The following DGKB variants were observed in gnomAD, a reference collection of about 807,000 sequenced individuals.
DGKB encodes diacylglycerol kinase beta, also known as 90 kDa diacylglycerol kinase.
In DGKB, 67 loss-of-function variants were observed where a neutral mutation model predicts 114.3. The observed-to-expected ratio is 0.59, with a 90% CI of 0.48 to 0.72. The LOEUF is 0.72. DGKB is among the 30% of genes least tolerant of loss of function. The pLI, the probability that DGKB is intolerant of heterozygous loss-of-function variation, is 0.00. For missense variants in DGKB, 907 were observed against 975.2 expected, an observed-to-expected ratio of 0.93 and a Z score of 0.93; for synonymous variants, 398 against 323.1, an observed-to-expected ratio of 1.23 and a Z score of -2.49.
intron 21 of DGKB, among the ~76,000 whole-genome samples, chr7:14,460,886 G>A (rs1373156960): frequency 6.6e-6 from 1 of 151,882 alleles, no homozygotes; most frequent in Non-Finnish European, 1.5e-5. Flanking sequence ...CAAAAGAACG[G>A]AAATCATAAC....
intron 23 of DGKB, among the ~76,000 whole-genome samples, chr7:14,300,385 A>T (rs573626965): frequency 6.6e-6 from 1 of 152,204 alleles, no homozygotes; most frequent in Non-Finnish European, 1.5e-5. Context: ...CAACTGTGCA[A>T]CTGGAACAAC....
At chr7:14,273,463 A>G (rs1218795802) in intron 23 of DGKB, among the ~76,000 whole-genome samples, 1 of 152,234 alleles carries the variant, frequency 6.6e-6, no homozygotes, top group Admixed American at 6.5e-5. Context: ...GAAATGATGT[A>G]CATATGTAGT....
intron 21 of DGKB, among the ~76,000 whole-genome samples, chr7:14,417,403 A>T (rs1825877750): frequency 6.6e-6 from 1 of 152,078 alleles, no homozygotes; most frequent in East Asian, 1.9e-4. Context: ...TGGCTCAGTG[A>T]ACTAAGCTAT....
At chr7:14,658,454 T>A (rs577061943) in intron 13 of DGKB, among the ~76,000 whole-genome samples, 1 of 151,984 alleles carries the variant, frequency 6.6e-6, no homozygotes, top group African/African-American at 2.4e-5. Flanking sequence ...AAAGAGAGGT[T>A]GGTTAATGGA....
chr7:14,441,545 T>G (rs1379224962), intron 21 of DGKB, among the ~76,000 whole-genome samples: 1 of 152,146 alleles, frequency 6.6e-6, no homozygotes, highest in African/African-American at 2.4e-5. Flanking sequence ...AAGACATTAT[T>G]TTTTACTCTG....
At position 14,350,172 on chromosome 7, in the gene DGKB, T is replaced by A. The variant is rs147432549; in HGVS notation, c.1836-4781A>T. 7.2e-5 allele frequency among the ~76,000 whole-genome samples: 11 copies of A among 152,274 alleles called. No homozygotes were observed. The East Asian group carries it at 2.1e-3, about 29-fold the overall frequency. On this transcript the variant is annotated intron_variant, in intron 21 of 25. Coordinates refer to ENST00000402815, the MANE Select transcript of DGKB (RefSeq NM_001350709.2). ...TTTTCATACGAACTGTAATTTTGCTTCTTTTACGTATCCTGAGTAATGTGA... is the reference window on the plus strand; with the variant it reads ...TTTTCATACGAACTGTAATTTTGCTACTTTTACGTATCCTGAGTAATGTGA...
chr7:14,788,592 C>T lies in DGKB; in HGVS notation c.71-30861G>A, dbSNP rs533200347. ...CACCTCAGGGCCAGGTAACAGACAA[C>T]TATGGGTAGCCCATATCACTCAGAA... On this transcript the variant is annotated intron_variant, in intron 2 of 25. Transcript: ENST00000402815. 3.3e-5 allele frequency among the ~76,000 whole-genome samples: 5 copies of T among 152,284 alleles called. No homozygotes were observed. In the South Asian group the frequency reaches 1.0e-3, roughly 32 times the overall value.
At chr7:14,184,540 C>T (rs1165157040) in intron 23 of DGKB, among the ~76,000 whole-genome samples, 2 of 152,076 alleles carry the variant, frequency 1.3e-5, no homozygotes, top group Non-Finnish European at 2.9e-5. Context: ...CATGACTCAG[C>T]AGAGGCAGCC....
chr7:14,807,646 T>C (rs1842935633), intron 2 of DGKB, among the ~76,000 whole-genome samples: 1 of 152,034 alleles, frequency 6.6e-6, no homozygotes, highest in African/African-American at 2.4e-5. Flanking sequence ...TTTGAACATA[T>C]AGTCCTGGAA....
At chr7:14,882,353 G>A (rs971725404) in intron 1 of DGKB, among the ~76,000 whole-genome samples, 18 of 151,988 alleles carry the variant, frequency 1.2e-4, no homozygotes, top group African/African-American at 4.1e-4. Flanking sequence ...AATAGTAAAA[G>A]GAGAGAGAGT....
chr7:14,302,982 G>A (rs1399086366), intron 23 of DGKB, among the ~76,000 whole-genome samples: 1 of 152,074 alleles, frequency 6.6e-6, no homozygotes, highest in Non-Finnish European at 1.5e-5. Context: ...TTATACCATG[G>A]GTGGTAGGAG....
chr7:14,721,234 G>A (rs1216678091), intron 5 of DGKB, among the ~76,000 whole-genome samples: 1 of 152,208 alleles, frequency 6.6e-6, no homozygotes, highest in African/African-American at 2.4e-5. Flanking sequence ...ATGACCATTT[G>A]TACTTATACA....
intron 13 of DGKB, among the ~76,000 whole-genome samples, chr7:14,641,147 G>C (rs1419172731): frequency 6.6e-6 from 1 of 151,500 alleles, no homozygotes; most frequent in Non-Finnish European, 1.5e-5. Flanking sequence ...GCCAACACTG[G>C]GTATTATCAT....
chr7:14,581,508 A>G (rs1317643267), intron 18 of DGKB, among the ~76,000 whole-genome samples: 2 of 152,208 alleles, frequency 1.3e-5, no homozygotes, highest in Non-Finnish European at 2.9e-5. Context: ...GCTGGAATAC[A>G]ACGAGATCAG....
chr7:14,484,569 T>C (rs751512425), intron 20 of DGKB, among the ~76,000 whole-genome samples: 2 of 152,196 alleles, frequency 1.3e-5, no homozygotes, highest in Non-Finnish European at 2.9e-5. Flanking sequence ...TCCGCCATGA[T>C]TGTAAGCTTC....
chr7:14,460,364 C>T (rs994820903), intron 21 of DGKB, among the ~76,000 whole-genome samples: 3 of 151,114 alleles, frequency 2.0e-5, no homozygotes, highest in Non-Finnish European at 4.4e-5. Flanking sequence ...ACCTCACATG[C>T]AAAGACACAC....
At chr7:14,271,291 C>T (rs926525880) in intron 23 of DGKB, among the ~76,000 whole-genome samples, 1 of 152,080 alleles carries the variant, frequency 6.6e-6, no homozygotes, top group Non-Finnish European at 1.5e-5. Context: ...CTGTGTTGCT[C>T]ACTATTTTTA....
intron 1 of DGKB, among the ~76,000 whole-genome samples, chr7:14,936,053 G>C (rs1785257560): frequency 6.6e-6 from 1 of 152,136 alleles, no homozygotes; most frequent in Non-Finnish European, 1.5e-5. Context: ...GTCTCAGAAA[G>C]AAGAAACTAA....
intron 23 of DGKB, among the ~76,000 whole-genome samples, chr7:14,281,007 A>T (rs1010999755): frequency 4.6e-5 from 7 of 151,426 alleles, no homozygotes; most frequent in African/African-American, 1.5e-4. Flanking sequence ...TTCACACATA[A>T]CACTATTAAC....
Sources: allele counts gnomAD v4.1 joint callset (sites outside exome capture counted in the v4.1 genomes callset), GRCh38; gene constraint gnomAD v4.1.1; transcripts MANE v1.5; gene names NCBI Gene and HGNC (gene_info 2026-07-23, HGNC 2026-07-21).